Variants in XPO7 observed in about 807,000 individuals in gnomAD.
XPO7 encodes the protein exportin 7.
Under a neutral mutation model 144.3 loss-of-function variants are expected in XPO7, and 21 were observed. The observed-to-expected ratio is 0.15, with a 90% confidence interval of 0.10 to 0.21. The LOEUF is 0.21. XPO7 is among the 10% of genes least tolerant of loss of function. XPO7 has a pLI of 1.00. For missense variants in XPO7, 808 were observed against 1,325.8 expected (o/e 0.61, Z 6.06); for synonymous variants, 580 against 499.6 (o/e 1.16, Z -2.15).
intron 1 of XPO7, among the ~76,000 whole-genome samples, chr8:21,925,510 G>T (rs958595811): frequency 6.6e-6 from 1 of 152,144 alleles, no homozygotes; most frequent in African/African-American, 2.4e-5. Context: ...TGGAGAACTC[G>T]CTGTTGGAAG....
intron 1 of XPO7, chr8:21,966,354 C>T (rs1311632691): frequency 1.4e-5 from 11 of 778,054 alleles, no homozygotes; most frequent in Middle Eastern, 2.2e-4. Context: ...GAGGTTTTCT[C>T]GTACAGGTGA....
In XPO7 at chr8:21,924,504, G is replaced by C. The variant is rs566653198; in HGVS notation, c.18+4716G>C. On this transcript the variant is annotated intron_variant, in intron 1 of 27. Transcript: ENST00000252512. Reference sequence around the variant, plus strand: ...CATTTTATTTTTAAATCTGCTTTTAGAACTCAAGCTGAGTAACCTGAGAGT... The same window carrying C: ...CATTTTATTTTTAAATCTGCTTTTACAACTCAAGCTGAGTAACCTGAGAGT... Among the ~76,000 whole-genome samples the C allele has an allele frequency of 9.0e-5, 13 of 144,818 alleles. No individual in the cohort carries two copies. In the East Asian group the frequency reaches 3.0e-3, roughly 33 times the overall value.
intron 1 of XPO7, among the ~76,000 whole-genome samples, chr8:21,940,134 G>A (rs1810944408): frequency 6.6e-6 from 1 of 152,136 alleles, no homozygotes; most frequent in Non-Finnish European, 1.5e-5. Flanking sequence ...GATCAAATAT[G>A]TTTGAATCCC....
In XPO7 at chr8:21,991,023, C is replaced by T. The variant is rs568492751; in HGVS notation, c.2041+104C>T. The T allele has an allele frequency of 8.0e-5, 80 of 994,748 alleles. No individual in the cohort carries two copies. In the South Asian group the frequency reaches 1.1e-3, roughly 13 times the overall value. The allele number at this position is 994,748 out of a possible 1,614,324, so 61.6% of individuals were successfully genotyped here. ...GTTGGGGAGGCCTTTTCTGTTTTTTCAACAGTAACAAAACTATCTGAAATA... is the reference window on the plus strand; with the variant it reads ...GTTGGGGAGGCCTTTTCTGTTTTTTTAACAGTAACAAAACTATCTGAAATA... On this transcript the variant is annotated intron_variant, in intron 18 of 27. Coordinates refer to ENST00000252512, the MANE Select transcript of XPO7 (RefSeq NM_015024.5).
intron 1 of XPO7, among the ~76,000 whole-genome samples, chr8:21,926,315 A>G (rs1035483481): frequency 6.6e-6 from 1 of 152,136 alleles, no homozygotes; most frequent in Non-Finnish European, 1.5e-5. Flanking sequence ...TGCTGATCTC[A>G]TTGGTACTTT....
chr8:21,939,869 A>G (rs1216649432), intron 1 of XPO7, among the ~76,000 whole-genome samples: 1 of 152,224 alleles, frequency 6.6e-6, no homozygotes, highest in African/African-American at 2.4e-5. Flanking sequence ...GTAATTAGCA[A>G]ACATTTAGTA....
intron 1 of XPO7, among the ~76,000 whole-genome samples, chr8:21,947,305 A>T (rs1811223904): frequency 6.6e-6 from 1 of 152,200 alleles, no homozygotes; most frequent in Admixed American, 6.5e-5. Flanking sequence ...ACTTTTTTTT[A>T]GAATATGTGA....
intron 1 of XPO7, among the ~76,000 whole-genome samples, chr8:21,952,760 A>G (rs1811412338): frequency 6.6e-6 from 1 of 152,178 alleles, no homozygotes; most frequent in Non-Finnish European, 1.5e-5. Context: ...GAGAATTGTA[A>G]CCATTCTGTT....
In XPO7 at chr8:22,005,063, T is replaced by C; in HGVS notation, c.3239T>C (p.Val1080Ala). ...NDSMKNSTYG[V>A]NSNDMMS The stretch of plus-strand genomic sequence containing the variant: ...TCAATGAAGAATTCCACTTATGGCG[T>C]GAATAGCAATGACATGATGAGCTGA... The change falls in exon 28 of 28, where the codon GTG becomes GCG. Residue 1080 changes from valine to alanine, a missense_variant. Val to Ala is a moderately conservative substitution (Grantham distance 64). Coordinates refer to ENST00000252512, the MANE Select transcript of XPO7 (RefSeq NM_015024.5). 6.2e-7 allele frequency: 1 copy of C among 1,612,386 alleles called. No homozygotes were observed.
At chr8:21,945,052 C>G (rs1328300201) in intron 1 of XPO7, among the ~76,000 whole-genome samples, 1 of 152,208 alleles carries the variant, frequency 6.6e-6, no homozygotes, top group Non-Finnish European at 1.5e-5. Context: ...TTATTTTCCC[C>G]ACATTTCCCC....
intron 1 of XPO7, among the ~76,000 whole-genome samples, chr8:21,954,784 A>G (rs1052569189): frequency 1.3e-5 from 2 of 152,222 alleles, no homozygotes; most frequent in Non-Finnish European, 2.9e-5. Context: ...ACTCTTTCTC[A>G]TATTTTGACT....
intron 5 of XPO7, among the ~76,000 whole-genome samples, chr8:21,974,170 T>A (rs1812153359): frequency 6.6e-6 from 1 of 152,136 alleles, no homozygotes; most frequent in South Asian, 2.1e-4. Context: ...CTTACAGGCA[T>A]GCACCACCAC....
intron 4 of XPO7, among the ~76,000 whole-genome samples, chr8:21,970,546 G>A (rs924104688): frequency 1.3e-5 from 2 of 152,108 alleles, no homozygotes; most frequent in Admixed American, 1.3e-4. Context: ...CCTACATATG[G>A]TCCCAAGCAA....
At chr8:21,999,010 G>T in intron 22 of XPO7, 81 bp from the exon 23 acceptor site, 3 of 1,547,610 alleles carry the variant, frequency 1.9e-6, no homozygotes, top group Non-Finnish European at 2.7e-6. Flanking sequence ...ACTGGAATTT[G>T]TATGCCTTTG....
chr8:21,959,169 A>T (rs768539284), intron 1 of XPO7, among the ~76,000 whole-genome samples: 1 of 152,210 alleles, frequency 6.6e-6, no homozygotes, highest in Non-Finnish European at 1.5e-5. Context: ...ACGAGGATCA[A>T]TTATATATTT....
chr8:21,945,066 T>C (rs1028371944), intron 1 of XPO7, among the ~76,000 whole-genome samples: 3 of 152,198 alleles, frequency 2.0e-5, no homozygotes, highest in Admixed American at 6.5e-5. Context: ...TTTCCCCCTT[T>C]TCTATTCGAC....
In XPO7 at chr8:21,938,457, C is replaced by T. The variant is rs554194663; in HGVS notation, c.18+18669C>T. ...AGTCACTGTAAGTTCTTTTTTAGTT[C>T]ATTATATCAGGACTGCTGGTATGCC... is the stretch of plus-strand genomic sequence containing the variant. On this transcript the variant is annotated intron_variant, in intron 1 of 27. Transcript: ENST00000252512. Among the ~76,000 whole-genome samples, 46 of 152,196 alleles carry T rather than the reference C, an allele frequency of 3.0e-4. No individual in the cohort carries two copies. The South Asian group carries it at 8.9e-3, about 30-fold the overall frequency.
rs755745043 is a variant in XPO7 at position 21,980,101 on chromosome 8, A to G, written c.855A>G (p.Val285=). 6.3e-7 allele frequency: 1 copy of G among 1,598,984 alleles called. No homozygotes were observed. The highest frequency in any genetic ancestry group is 8.5e-7 in the Non-Finnish European group (1 of 1,171,736). The change falls in exon 9 of 28, where the codon GTA becomes GTG. Residue 285 remains valine, a synonymous_variant. Transcript: ENST00000252512. ...SFSPLVLSCL[V]QIASVRRSLF... ...GCATTTAGGTATTATCCTGCTTGGT[A>G]CAGATCGCTTCAGTCAGAAGATCCC...
intron 7 of XPO7, 86 bp downstream of exon 7, chr8:21,976,607 C>T: frequency 7.1e-7 from 1 of 1,408,352 alleles, no homozygotes; most frequent in Non-Finnish European, 9.5e-7. Flanking sequence ...CCTGGCAACT[C>T]CTGTGTATTC....
Sources: gnomAD v4.1 joint callset for allele counts (sites outside exome capture counted in the v4.1 genomes callset) on GRCh38, gnomAD v4.1.1 for gene constraint, MANE v1.5 for transcripts, NCBI Gene and HGNC (gene_info 2026-07-23, HGNC 2026-07-21) for gene names.